PCED1B: variants seen among roughly 807,000 people sequenced by gnomAD.
PCED1B encodes the protein PC-esterase domain containing 1B, also known as PC-esterase domain-containing protein 1B.
For missense variants in PCED1B, 573 were observed against 573.9 expected (o/e 1.00, Z 0.02); for synonymous variants, 251 against 246.1 (o/e 1.02, Z -0.19).
chr12:47,208,946 C>T (rs1942995334), intron 2 of PCED1B: 1 of 151,998 alleles, frequency 6.6e-6, no homozygotes, highest in Admixed American at 6.6e-5. Flanking sequence ...GACCCTGTAT[C>T]TACCAAAAAT....
intron 2 of PCED1B, among the ~76,000 whole-genome samples, chr12:47,215,320 T>C (rs1295626031): frequency 1.4e-5 from 2 of 145,728 alleles, no homozygotes; most frequent in African/African-American, 5.1e-5. Flanking sequence ...ATGGGACGAT[T>C]TTGGCTCACT....
intron 2 of PCED1B, among the ~76,000 whole-genome samples, chr12:47,130,748 GA>G (rs1418909135): frequency 1.3e-5 from 2 of 151,526 alleles, no homozygotes; most frequent in Non-Finnish European, 2.9e-5. Flanking sequence ...TAGCATTAAA[GA>G]AAAAAAAGAA....
At chr12:47,092,936 T>G (rs1253635173) in intron 1 of PCED1B, among the ~76,000 whole-genome samples, 1 of 152,084 alleles carries the variant, frequency 6.6e-6, no homozygotes, top group Non-Finnish European at 1.5e-5. Flanking sequence ...ATGAGAAAGA[T>G]GGGCTTGCAG....
intron 2 of PCED1B, among the ~76,000 whole-genome samples, chr12:47,137,220 A>G (rs146495487): frequency 0.02 from 3,066 of 152,282 alleles, 50 homozygotes; most frequent in Middle Eastern, 0.075. Flanking sequence ...CAAAGTCTTA[A>G]TTTCATTTTT....
At chr12:47,194,332 G>A (rs553419755) in intron 2 of PCED1B, among the ~76,000 whole-genome samples, 52 of 152,206 alleles carry the variant, frequency 3.4e-4, no homozygotes, top group African/African-American at 1.1e-3. Context: ...GCAGCACCAC[G>A]CCCAGCTAAT....
chr12:47,223,323 C>T (rs1303880023), intron 3 of PCED1B, among the ~76,000 whole-genome samples: 1 of 152,082 alleles, frequency 6.6e-6, no homozygotes, highest in East Asian at 1.9e-4. Context: ...GGGAAATCAT[C>T]GGTGATTTAC....
Position 47,089,475 on chromosome 12 carries a change from T to C in PCED1B, c.-609+9750T>C, listed in dbSNP as rs1198937943. On this transcript the variant is annotated intron_variant, in intron 1 of 3. Coordinates refer to ENST00000546455, the MANE Select transcript of PCED1B (RefSeq NM_138371.3). The stretch of plus-strand genomic sequence containing the variant: ...AAAAAAAAATACATATATATATATA[T>C]ATATATATATATATATATGTATATA... Among the ~76,000 whole-genome samples the C allele has an allele frequency of 1.5e-4, 14 of 91,834 alleles. 2 individuals are homozygous for C. The highest frequency in any genetic ancestry group is 5.5e-4 in the South Asian group (1 of 1,806). 60.2% of individuals were successfully genotyped at this position (91,834 alleles called of 152,430 possible). A position where few individuals can be genotyped will look rare whatever the true frequency, so the allele number is the denominator to read the frequency against.
intron 2 of PCED1B, among the ~76,000 whole-genome samples, chr12:47,153,166 G>A (rs889754073): frequency 7.9e-5 from 12 of 151,550 alleles, no homozygotes; most frequent in Non-Finnish European, 1.3e-4. Context: ...TGGCTAACAC[G>A]GTGAAACCCT....
At chr12:47,118,559 T>A (rs959092077) in intron 2 of PCED1B, among the ~76,000 whole-genome samples, 1 of 152,232 alleles carries the variant, frequency 6.6e-6, no homozygotes, top group Non-Finnish European at 1.5e-5. Context: ...TATCTCTGTT[T>A]TGGCACCAGT....
chr12:47,203,625 C>T (rs1316524670), intron 2 of PCED1B, among the ~76,000 whole-genome samples: 1 of 152,174 alleles, frequency 6.6e-6, no homozygotes, highest in Non-Finnish European at 1.5e-5. Flanking sequence ...CCATCTCTGT[C>T]CCTGCAAAAG....
At chr12:47,148,203 C>T (rs1371185095) in intron 2 of PCED1B, among the ~76,000 whole-genome samples, 1 of 152,164 alleles carries the variant, frequency 6.6e-6, no homozygotes, top group Non-Finnish European at 1.5e-5. Flanking sequence ...ACAATAATGA[C>T]ATTAACCTAT....
At chr12:47,206,528 T>C (rs1447329583) in intron 2 of PCED1B, 1 of 152,226 alleles carries the variant, frequency 6.6e-6, no homozygotes, top group Non-Finnish European at 1.5e-5. Context: ...TTGTCAATGA[T>C]TGGCACCAGG....
intron 3 of PCED1B, among the ~76,000 whole-genome samples, chr12:47,229,504 G>T (rs1053703901): frequency 1.3e-5 from 2 of 152,012 alleles, no homozygotes; most frequent in Admixed American, 1.3e-4. Context: ...TTGCATGTAC[G>T]TGGGGATGCC....
At chr12:47,102,222 G>T (rs1326467526) in intron 1 of PCED1B, among the ~76,000 whole-genome samples, 3 of 152,174 alleles carry the variant, frequency 2.0e-5, no homozygotes, top group Non-Finnish European at 2.9e-5. Flanking sequence ...GAAAAGTCTG[G>T]TGAGCATGAT....
At chr12:47,227,566 T>C (rs149413286) in intron 3 of PCED1B, among the ~76,000 whole-genome samples, 1 of 151,928 alleles carries the variant, frequency 6.6e-6, no homozygotes, top group African/African-American at 2.4e-5. Flanking sequence ...TAGAGAAGAA[T>C]AATAAGGCCA....
In PCED1B at chr12:47,232,637, C is replaced by A. The variant is rs894852117; in HGVS notation, c.-57-2370C>A. Among the ~76,000 whole-genome samples, 4 of 140,364 alleles carry A rather than the reference C, an allele frequency of 2.8e-5. No individual in the cohort carries two copies. In the South Asian group the frequency reaches 9.3e-4, roughly 33 times the overall value. 92.1% of individuals were successfully genotyped at this position (140,364 alleles called of 152,430 possible). A position where few individuals can be genotyped will look rare whatever the true frequency, so the allele number is the denominator to read the frequency against. Reference sequence around the variant, plus strand: ...GTTCCTCCCATTTGCAATCTGTTAGCAGTATTTTAGTGTTTCTACTATTTA... The same window carrying A: ...GTTCCTCCCATTTGCAATCTGTTAGAAGTATTTTAGTGTTTCTACTATTTA... On this transcript the variant is annotated intron_variant, in intron 3 of 3. Coordinates refer to ENST00000546455, the MANE Select transcript of PCED1B (RefSeq NM_138371.3).
chr12:47,131,673 C>CTTTTTTTTTTTTTTTTTTTTTT (rs760678015), intron 2 of PCED1B, among the ~76,000 whole-genome samples: 1 of 128,004 alleles, frequency 7.8e-6, no homozygotes, highest in African/African-American at 3.6e-5. Context: ...TGTTTTACTT[C>CTTTTTTTTTTTTTTTTTTTTTT]TTTTTTTTTT....
At chr12:47,199,827 C>T (rs1428896983) in intron 2 of PCED1B, among the ~76,000 whole-genome samples, 1 of 152,146 alleles carries the variant, frequency 6.6e-6, no homozygotes, top group Non-Finnish European at 1.5e-5. Context: ...GAATTTGTAG[C>T]TTCAACACCA....
chr12:47,178,395 G>T (rs544266790), intron 2 of PCED1B, among the ~76,000 whole-genome samples: 4 of 152,292 alleles, frequency 2.6e-5, no homozygotes, highest in Non-Finnish European at 5.9e-5. Flanking sequence ...GGGACACATT[G>T]TTGGGGGGCA....
Sources: allele counts gnomAD v4.1 joint callset (sites outside exome capture counted in the v4.1 genomes callset), GRCh38; gene constraint gnomAD v4.1.1; transcripts MANE v1.5; gene names NCBI Gene and HGNC (gene_info 2026-07-23, HGNC 2026-07-21).